Variants in DNM3 observed in about 807,000 individuals in gnomAD.
The protein encoded by DNM3 is dynamin-3.
Under a neutral mutation model 101.6 loss-of-function variants are expected in DNM3, and 47 were observed. The observed-to-expected ratio is 0.46, with a 90% CI of 0.37 to 0.59. DNM3 has a LOEUF of 0.59. Among genes scored for constraint, DNM3 ranks in the 20% least tolerant of loss-of-function variants. The probability of loss-of-function intolerance (pLI) is 0.00; values close to 1 mark genes in which losing one functional copy is unlikely to be tolerated. For missense variants in DNM3, 849 were observed against 1,085.7 expected (o/e 0.78, Z 3.06); for synonymous variants, 385 against 387.9 (o/e 0.99, Z 0.09).
At position 171,944,850 on chromosome 1, in the gene DNM3, G is replaced by T. The variant is rs1167613978; in HGVS notation, c.235+23029G>T. On this transcript the variant is annotated intron_variant, in intron 2 of 20. Transcript: ENST00000627582. ...TTTTTTTGTTTTCTTTTTTTTTGGT[G>T]TTTCCTTTTTTTTTTTTTTTTTTTT... is the stretch of plus-strand genomic sequence containing the variant. 1.8e-3 allele frequency among the ~76,000 whole-genome samples: 79 copies of T among 43,692 alleles called. 1 individual carries two copies. Among genetic ancestry groups the T allele is most frequent in the African/African-American group, 3.0e-3 (31 of 10,458 alleles). 28.7% of individuals were successfully genotyped at this position (43,692 alleles called of 152,430 possible).
intron 4 of DNM3, among the ~76,000 whole-genome samples, chr1:172,022,272 C>T (rs563301057): frequency 1.3e-5 from 2 of 152,098 alleles, no homozygotes; most frequent in African/African-American, 4.8e-5. Flanking sequence ...AATCAGGGCT[C>T]TTTATTTTAG....
chr1:172,305,123 G>A (rs2064725897), intron 15 of DNM3, among the ~76,000 whole-genome samples: 1 of 152,060 alleles, frequency 6.6e-6, no homozygotes, highest in Non-Finnish European at 1.5e-5. Context: ...CAACAAAAGT[G>A]ATAGACCACT....
At chr1:171,954,136 A>G (rs2042705403) in intron 2 of DNM3, among the ~76,000 whole-genome samples, 3 of 152,238 alleles carry the variant, frequency 2.0e-5, no homozygotes, top group African/African-American at 7.2e-5. Flanking sequence ...TTACTGGTTC[A>G]TAGTGAACTT....
At chr1:172,180,835 T>A (rs2148390955) in intron 14 of DNM3, among the ~76,000 whole-genome samples, 1 of 152,252 alleles carries the variant, frequency 6.6e-6, no homozygotes, top group East Asian at 1.9e-4. Context: ...CCTATTACCT[T>A]ACTTTGGCAT....
At chr1:171,952,065 G>C (rs978450138) in intron 2 of DNM3, among the ~76,000 whole-genome samples, 3 of 152,152 alleles carry the variant, frequency 2.0e-5, no homozygotes, top group Non-Finnish European at 2.9e-5. Context: ...AAATATTCTT[G>C]AATTAAGATA....
intron 1 of DNM3, among the ~76,000 whole-genome samples, chr1:171,917,807 A>G (rs2039836616): frequency 6.6e-6 from 1 of 152,238 alleles, no homozygotes; most frequent in African/African-American, 2.4e-5. Context: ...CTAAATCCAA[A>G]GTAATGCTAA....
intron 12 of DNM3, among the ~76,000 whole-genome samples, chr1:172,085,131 G>A (rs1321671568): frequency 6.6e-6 from 1 of 151,504 alleles, no homozygotes; most frequent in Non-Finnish European, 1.5e-5. Flanking sequence ...GAATTTCCTG[G>A]CTTCTAAATG....
In DNM3 at chr1:172,286,492, C is replaced by T. The variant is rs1194352953; in HGVS notation, c.1770-22236C>T. On this transcript the variant is annotated intron_variant, in intron 15 of 20. Transcript: ENST00000627582. ...CTGGTATTGGTTATGCCCAAGTAGACACATGACCTGTGGCTGTTTGGCTTG... is the reference window on the plus strand; with the variant it reads ...CTGGTATTGGTTATGCCCAAGTAGATACATGACCTGTGGCTGTTTGGCTTG... 2.0e-5 allele frequency among the ~76,000 whole-genome samples: 3 copies of T among 152,302 alleles called. No individual in the cohort carries two copies. The East Asian group carries it at 5.8e-4, about 29-fold the overall frequency.
At chr1:171,990,582 C>T (rs2045567518) in intron 4 of DNM3, among the ~76,000 whole-genome samples, 1 of 152,082 alleles carries the variant, frequency 6.6e-6, no homozygotes, top group African/African-American at 2.4e-5. Context: ...TCCTGAAATT[C>T]TTCTGGAGTC....
chr1:171,854,531 C>A (rs1326795216), intron 1 of DNM3, among the ~76,000 whole-genome samples: 1 of 152,090 alleles, frequency 6.6e-6, no homozygotes, highest in East Asian at 1.9e-4. Flanking sequence ...GCTCTTGTCG[C>A]CCAGGCTGGA....
chr1:172,263,692 A>G (rs1230065895), intron 15 of DNM3, among the ~76,000 whole-genome samples: 2 of 152,156 alleles, frequency 1.3e-5, no homozygotes, highest in Non-Finnish European at 2.9e-5. Flanking sequence ...CATGGGAAAA[A>G]TCAGCCTCCA....
chr1:171,846,059 G>A (rs1271001245), intron 1 of DNM3, among the ~76,000 whole-genome samples: 2 of 152,192 alleles, frequency 1.3e-5, no homozygotes, highest in Non-Finnish European at 1.5e-5. Flanking sequence ...TAGATAAATG[G>A]TGCTTACAAT....
At chr1:172,126,337 T>C (rs550809175) in intron 13 of DNM3, among the ~76,000 whole-genome samples, 2 of 152,340 alleles carry the variant, frequency 1.3e-5, no homozygotes, top group South Asian at 4.1e-4. Flanking sequence ...CTTCACAACA[T>C]GGCAGCTGTA....
chr1:172,127,273 A>G (rs1458962846), intron 13 of DNM3, among the ~76,000 whole-genome samples: 1 of 151,984 alleles, frequency 6.6e-6, no homozygotes, highest in Non-Finnish European at 1.5e-5. Flanking sequence ...TCACAAGATG[A>G]GGCAGCTTTA....
intron 2 of DNM3, among the ~76,000 whole-genome samples, chr1:171,987,029 C>G (rs1375659305): frequency 6.6e-6 from 1 of 151,986 alleles, no homozygotes; most frequent in East Asian, 1.9e-4. Context: ...GTTTTTCCCT[C>G]TGCTGAGGGA....
At chr1:171,970,267 A>G (rs920075016) in intron 2 of DNM3, 23 of 376,108 alleles carry the variant, frequency 6.1e-5, no homozygotes, top group Non-Finnish European at 6.6e-5. Context: ...CATATTAAAC[A>G]TTTTAAGGGT....
At chr1:172,259,610 C>T (rs886102130) in intron 15 of DNM3, among the ~76,000 whole-genome samples, 1 of 152,022 alleles carries the variant, frequency 6.6e-6, no homozygotes, top group African/African-American at 2.4e-5. Flanking sequence ...TTTTTCCATT[C>T]CTTTATTTTC....
intron 2 of DNM3, among the ~76,000 whole-genome samples, chr1:171,947,739 G>T (rs557351900): frequency 6.6e-6 from 1 of 152,050 alleles, no homozygotes; most frequent in Non-Finnish European, 1.5e-5. Flanking sequence ...TCTCCCAGGC[G>T]CCTGGACTTT....
intron 14 of DNM3, among the ~76,000 whole-genome samples, chr1:172,171,973 G>A (rs2058977181): frequency 6.6e-6 from 1 of 151,584 alleles, no homozygotes; most frequent in Non-Finnish European, 1.5e-5. Context: ...TCAAAGAATG[G>A]GACTGGAGAA....
Sources: gnomAD v4.1 joint callset for allele counts (sites outside exome capture counted in the v4.1 genomes callset) on GRCh38, gnomAD v4.1.1 for gene constraint, MANE v1.5 for transcripts, NCBI Gene and HGNC (gene_info 2026-07-23, HGNC 2026-07-21) for gene names.